The following CSMD1 variants were observed in gnomAD, a reference collection of about 807,000 sequenced individuals.
The protein encoded by CSMD1 is CUB and sushi domain-containing protein 1.
A neutral mutation model predicts 417.5 loss-of-function variants in CSMD1; 213 were observed. The ratio of observed to expected loss-of-function variants is 0.51; its 90% CI spans 0.46 to 0.57. The LOEUF is 0.57. CSMD1 is among the 20% of genes least tolerant of loss of function. CSMD1 has a pLI of 0.00. For missense variants in CSMD1, 6,923 were observed against 4,529.7 expected, an observed-to-expected ratio of 1.53 and a Z score of -15.17; for synonymous variants, 2,862 against 1,736.8, an observed-to-expected ratio of 1.65 and a Z score of -16.11.
At chr8:4,965,116 C>A (rs1018455220) in intron 1 of CSMD1, among the ~76,000 whole-genome samples, 3 of 152,114 alleles carry the variant, frequency 2.0e-5, no homozygotes, top group African/African-American at 7.2e-5. Flanking sequence ...TGTGAATATG[C>A]ACATCTGTTC....
At chr8:4,519,936 C>CAT (rs1741981931) in intron 2 of CSMD1, among the ~76,000 whole-genome samples, 3 of 147,076 alleles carry the variant, frequency 2.0e-5, no homozygotes, top group East Asian at 2.0e-4. Flanking sequence ...TGTGTGTGTG[C>CAT]GTGTGTGTGT....
At chr8:4,486,993 T>A (rs911626671) in intron 2 of CSMD1, among the ~76,000 whole-genome samples, 1 of 152,168 alleles carries the variant, frequency 6.6e-6, no homozygotes, top group East Asian at 1.9e-4. Flanking sequence ...ACACACGCCT[T>A]CCACATCGAG....
chr8:4,817,251 A>G (rs527707338), intron 1 of CSMD1, among the ~76,000 whole-genome samples: 2 of 152,334 alleles, frequency 1.3e-5, no homozygotes, highest in South Asian at 4.1e-4. Flanking sequence ...AAAAAATATG[A>G]AGATTTTCCC....
chr8:4,029,206 T>C (rs778603925), intron 4 of CSMD1, among the ~76,000 whole-genome samples: 6 of 152,176 alleles, frequency 3.9e-5, no homozygotes, highest in Non-Finnish European at 7.3e-5. Flanking sequence ...CGAGAGGTGA[T>C]GAAAATAGGC....
intron 3 of CSMD1, among the ~76,000 whole-genome samples, chr8:4,084,928 A>C (rs1486468074): frequency 6.6e-6 from 1 of 152,180 alleles, no homozygotes; most frequent in Non-Finnish European, 1.5e-5. Flanking sequence ...AAAACTACAA[A>C]AATTGGTAAT....
chr8:4,658,757 T>C (rs1235579979), intron 1 of CSMD1, among the ~76,000 whole-genome samples: 2 of 152,152 alleles, frequency 1.3e-5, no homozygotes, highest in African/African-American at 2.4e-5. Context: ...TTTTCTTCTA[T>C]ATGATTTAAA....
At chr8:4,517,908 G>T (rs1285160377) in intron 2 of CSMD1, among the ~76,000 whole-genome samples, 1 of 152,164 alleles carries the variant, frequency 6.6e-6, no homozygotes, top group Non-Finnish European at 1.5e-5. Context: ...TCTAGTAACA[G>T]TCTAAGAGTA....
rs73171155 is a variant in CSMD1, at chr8:3,316,910, C to G, written c.3632-8407G>C. On this transcript the variant is annotated intron_variant, in intron 23 of 69. Transcript: ENST00000635120. The stretch of plus-strand genomic sequence containing the variant: ...GACATGGGTGAGAAGAAAGAAAGGA[C>G]AAGCAGGAAAATCTGCAAAAGTATT... Among the ~76,000 whole-genome samples, 243 of 152,142 alleles carry G rather than the reference C, an allele frequency of 1.6e-3. 1 individual carries two copies. The highest frequency in any genetic ancestry group is 6.8e-3 in the Middle Eastern group (2 of 294).
chr8:4,824,916 T>A (rs1430266469), intron 1 of CSMD1, among the ~76,000 whole-genome samples: 1 of 152,072 alleles, frequency 6.6e-6, no homozygotes. Flanking sequence ...GCTACACAAA[T>A]GCTAACGTAA....
intron 2 of CSMD1, among the ~76,000 whole-genome samples, chr8:4,467,282 A>G (rs2130010466): frequency 6.6e-6 from 1 of 152,202 alleles, no homozygotes; most frequent in East Asian, 1.9e-4. Context: ...CAATTAAACC[A>G]ATTCATGGCA....
rs1261487266 is a variant in CSMD1 at position 3,755,777 on chromosome 8, T to G, written c.819-1735A>C. Among the ~76,000 whole-genome samples the G allele has an allele frequency of 2.0e-5, 3 of 152,252 alleles. No homozygotes were observed. In the East Asian group the frequency reaches 5.8e-4, roughly 29 times the overall value. On this transcript the variant is annotated intron_variant, in intron 5 of 69. Coordinates refer to ENST00000635120, the MANE Select transcript of CSMD1 (RefSeq NM_033225.6). ...AAGCCAAACCTTGACTGTAACCAATTACAACAGTGTTTATGCCACTGTTTG... is the reference window on the plus strand; with the variant it reads ...AAGCCAAACCTTGACTGTAACCAATGACAACAGTGTTTATGCCACTGTTTG...
At chr8:4,548,091 C>T (rs746436427) in intron 2 of CSMD1, among the ~76,000 whole-genome samples, 3 of 152,128 alleles carry the variant, frequency 2.0e-5, no homozygotes, top group Non-Finnish European at 4.4e-5. Context: ...GAAGGAATTA[C>T]AGCTTGTTCT....
chr8:4,898,171 G>T (rs184989913), intron 1 of CSMD1, among the ~76,000 whole-genome samples: 57 of 152,220 alleles, frequency 3.7e-4, no homozygotes, highest in African/African-American at 1.3e-3. Context: ...TTTGAGGGAG[G>T]AATGCCCAGC....
chr8:3,224,359 C>T (rs562132170), intron 27 of CSMD1, among the ~76,000 whole-genome samples: 1 of 152,196 alleles, frequency 6.6e-6, no homozygotes, highest in Non-Finnish European at 1.5e-5. Context: ...GATCATCTAG[C>T]TCCTGTTCAT....
intron 4 of CSMD1, among the ~76,000 whole-genome samples, chr8:4,013,831 T>A (rs1210175321): frequency 6.6e-6 from 1 of 152,270 alleles, no homozygotes; most frequent in South Asian, 2.1e-4. Context: ...GTCTATGGGG[T>A]CTTTTGATCT....
chr8:4,755,071 G>A lies in CSMD1; in HGVS notation c.86-117513C>T, dbSNP rs1211261769. Among the ~76,000 whole-genome samples, 5 of 152,146 alleles carry A rather than the reference G, an allele frequency of 3.3e-5. No homozygotes were observed. The East Asian group carries it at 7.7e-4, about 23-fold the overall frequency. On this transcript the variant is annotated intron_variant, in intron 1 of 69. Coordinates refer to ENST00000635120, the MANE Select transcript of CSMD1 (RefSeq NM_033225.6). The stretch of plus-strand genomic sequence containing the variant: ...AAGAATTGCTTGAACCCGGGAGGCG[G>A]AAGTTGCAGTGAGCCGATATGGTGC...
At chr8:3,378,761 C>T (rs546007898) in intron 18 of CSMD1, among the ~76,000 whole-genome samples, 149 of 152,164 alleles carry the variant, frequency 9.8e-4, no homozygotes, top group African/African-American at 3.2e-3. Context: ...AAATAATAAG[C>T]TATTTATGAC....
chr8:3,744,435 C>G (rs6994739), intron 6 of CSMD1, among the ~76,000 whole-genome samples: 575 of 152,006 alleles, frequency 3.8e-3, no homozygotes, highest in African/African-American at 0.013. Flanking sequence ...AAGATTTTAA[C>G]CAGGAAAAAA....
chr8:4,007,887 C>A (rs1272813262), intron 4 of CSMD1, among the ~76,000 whole-genome samples: 2 of 151,820 alleles, frequency 1.3e-5, no homozygotes, highest in South Asian at 2.1e-4. Context: ...CTGTGGCTTT[C>A]TTAAGAATGA....
Sources: gnomAD v4.1 joint callset for allele counts (sites outside exome capture counted in the v4.1 genomes callset) on GRCh38, gnomAD v4.1.1 for gene constraint, MANE v1.5 for transcripts, NCBI Gene and HGNC (gene_info 2026-07-23, HGNC 2026-07-21) for gene names.